The following VAV3 variants were observed in gnomAD, a reference collection of about 807,000 sequenced individuals.
VAV3 encodes vav guanine nucleotide exchange factor 3.
VAV3 carries 94 observed loss-of-function variants against 131.2 expected under a neutral mutation model. That is an observed-to-expected ratio of 0.72 (90% CI 0.61 to 0.85). VAV3 has a LOEUF of 0.85. VAV3 is among the 40% of genes least tolerant of loss of function. VAV3 has a pLI of 0.00. For synonymous variants in VAV3, 349 were observed against 342.0 expected, an observed-to-expected ratio of 1.02 and a Z score of -0.22; for missense variants, 939 against 1,002.7, an observed-to-expected ratio of 0.94 and a Z score of 0.86.
intron 20 of VAV3, among the ~76,000 whole-genome samples, chr1:107,639,183 A>G (rs1436670531): frequency 6.6e-6 from 1 of 152,144 alleles, no homozygotes; most frequent in African/African-American, 2.4e-5. Flanking sequence ...CTCAAAATGA[A>G]TCATAAATCT....
intron 15 of VAV3, among the ~76,000 whole-genome samples, chr1:107,731,815 T>G (rs1442793819): frequency 2.0e-5 from 3 of 152,200 alleles, no homozygotes; most frequent in African/African-American, 7.2e-5. Flanking sequence ...CTTCAGAGAA[T>G]GTATGAATTT....
intron 2 of VAV3, among the ~76,000 whole-genome samples, chr1:107,869,688 G>A (rs920610649): frequency 6.6e-6 from 1 of 152,140 alleles, no homozygotes; most frequent in Non-Finnish European, 1.5e-5. Context: ...GGAACAGGTG[G>A]TATTTGGTTA....
intron 6 of VAV3, among the ~76,000 whole-genome samples, chr1:107,768,989 G>A (rs918382964): frequency 1.3e-5 from 2 of 152,126 alleles, no homozygotes; most frequent in East Asian, 1.9e-4. Context: ...TCTGTGCAGA[G>A]GATCCTTCTA....
At chr1:107,716,956 T>A (rs576088162) in intron 15 of VAV3, among the ~76,000 whole-genome samples, 2 of 152,208 alleles carry the variant, frequency 1.3e-5, no homozygotes, top group African/African-American at 2.4e-5. Flanking sequence ...ATCTTCCTAG[T>A]TTAGTCTTGG....
At chr1:107,604,558 C>T (rs1183886665) in intron 22 of VAV3, among the ~76,000 whole-genome samples, 1 of 152,132 alleles carries the variant, frequency 6.6e-6, no homozygotes, top group Non-Finnish European at 1.5e-5. Context: ...AGGGTCTTCT[C>T]ACAGACTGCA....
chr1:107,740,442 T>C (rs923855500), intron 15 of VAV3, among the ~76,000 whole-genome samples: 5 of 152,192 alleles, frequency 3.3e-5, no homozygotes, highest in Admixed American at 6.5e-5. Flanking sequence ...ATAGATACAG[T>C]CTGTTCTGTG....
chr1:107,784,403 T>C (rs1229690182), intron 2 of VAV3, among the ~76,000 whole-genome samples: 2 of 152,182 alleles, frequency 1.3e-5, no homozygotes, highest in African/African-American at 2.4e-5. Context: ...TCAATGAGCT[T>C]TTTCAACATT....
At chr1:107,771,012 G>C (rs1665011046) in intron 5 of VAV3, among the ~76,000 whole-genome samples, 1 of 152,042 alleles carries the variant, frequency 6.6e-6, no homozygotes, top group Non-Finnish European at 1.5e-5. Flanking sequence ...CACCATAAAT[G>C]GTGTATGATT....
intron 17 of VAV3, among the ~76,000 whole-genome samples, chr1:107,692,129 C>T (rs1175276693): frequency 1.3e-5 from 2 of 152,042 alleles, no homozygotes; most frequent in Non-Finnish European, 2.9e-5. Flanking sequence ...ACCCTATCAT[C>T]GTGACTAAAG....
intron 17 of VAV3, among the ~76,000 whole-genome samples, chr1:107,689,880 T>C (rs962498099): frequency 5.3e-5 from 8 of 152,282 alleles, no homozygotes; most frequent in Non-Finnish European, 1.0e-4. Flanking sequence ...TTTGGGTTCT[T>C]GACAGAACAG....
intron 1 of VAV3, among the ~76,000 whole-genome samples, chr1:107,945,685 G>A (rs1674220518): frequency 6.6e-6 from 1 of 152,024 alleles, no homozygotes; most frequent in Admixed American, 6.6e-5. Flanking sequence ...GGCCAGGCGT[G>A]GTGGCGGGCA....
intron 20 of VAV3, among the ~76,000 whole-genome samples, chr1:107,633,777 G>C (rs1393368134): frequency 6.6e-6 from 1 of 151,994 alleles, no homozygotes; most frequent in Non-Finnish European, 1.5e-5. Context: ...AGTACCCTGC[G>C]ATCACCATGC....
intron 20 of VAV3, among the ~76,000 whole-genome samples, chr1:107,618,433 T>C (rs1653329869): frequency 6.6e-6 from 1 of 152,172 alleles, no homozygotes; most frequent in South Asian, 2.1e-4. Flanking sequence ...TTTTGGATGA[T>C]TTTCAGATTT....
intron 17 of VAV3, among the ~76,000 whole-genome samples, chr1:107,691,817 T>C (rs1659443207): frequency 6.6e-6 from 1 of 152,170 alleles, no homozygotes; most frequent in African/African-American, 2.4e-5. Context: ...CTTGGAGCCT[T>C]TGCAGAACTC....
At chr1:107,709,908 T>C (rs1280330253) in intron 15 of VAV3, among the ~76,000 whole-genome samples, 1 of 152,220 alleles carries the variant, frequency 6.6e-6, no homozygotes, top group Non-Finnish European at 1.5e-5. Context: ...GGTATGTCTT[T>C]CTTAGCAGTG....
rs1664366349 is a variant in VAV3 at position 107,760,795 on chromosome 1, G to T, written c.1006C>A (p.Leu336Ile). Residue 336 changes from leucine (L) to isoleucine (I), a missense_variant, in exon 10 of 27, where the codon CTT becomes ATT. Physicochemically the swap from Leu to Ile is conservative, Grantham distance 5 (BLOSUM62 2). Transcript: ENST00000370056. Reference sequence around the variant, plus strand: ...TTTAAGTTACATACCTGGAGGAGAAGGTGGTACTTTAAAACACGTTGCATA... The same window carrying T: ...TTTAAGTTACATACCTGGAGGAGAATGTGGTACTTTAAAACACGTTGCATA... ...VPMQRVLKYH[L>I]LLQELVKHTT... The T allele has an allele frequency of 3.7e-6, 6 of 1,611,606 alleles. No individual in the cohort carries two copies. The highest frequency in any genetic ancestry group is 5.1e-6 in the Non-Finnish European group (6 of 1,178,060).
chr1:107,712,673 T>C (rs1341477867), intron 15 of VAV3, among the ~76,000 whole-genome samples: 2 of 152,202 alleles, frequency 1.3e-5, no homozygotes, highest in Non-Finnish European at 2.9e-5. Context: ...AAAATGCTCA[T>C]TTAAAAAAAA....
At chr1:107,839,938 ATTC>A (rs1009919957) in intron 2 of VAV3, among the ~76,000 whole-genome samples, 2 of 152,174 alleles carry the variant, frequency 1.3e-5, no homozygotes, top group African/African-American at 4.8e-5. Flanking sequence ...AAACAGGCCA[ATTC>A]CTTGAAAGAC....
Position 107,765,132 on chromosome 1 carries a change from T to C in VAV3, c.865A>G (p.Ile289Val), listed in dbSNP as rs1319613907. The change falls in exon 9 of 27, where the codon ATC (isoleucine) becomes GTC (valine). Residue 289 changes from isoleucine (I) to valine (V), a missense_variant. By Grantham distance (29) the Ile-to-Val change is conservative. Transcript: ENST00000370056. ...GQYCSGVESA[I>V]SSLDYISKTK... ...TTAGAAATGTAGTCTAAACTAGAGA[T>C]GGCTGACTCCACTCCACTGCAGTAC... is the stretch of plus-strand genomic sequence containing the variant. The C allele has an allele frequency of 1.2e-6, 2 of 1,613,578 alleles. No homozygotes were observed. The highest frequency in any genetic ancestry group is 3.3e-5 in the Admixed American group (2 of 59,992).
Sources: gnomAD v4.1 joint callset for allele counts (sites outside exome capture counted in the v4.1 genomes callset) on GRCh38, gnomAD v4.1.1 for gene constraint, MANE v1.5 for transcripts, NCBI Gene and HGNC (gene_info 2026-07-23, HGNC 2026-07-21) for gene names.